HSD17B12: variants seen among roughly 807,000 people sequenced by gnomAD.
HSD17B12 encodes the protein very-long-chain 3-oxoacyl-CoA reductase.
HSD17B12 carries 32 observed loss-of-function variants against 39.3 expected under a neutral mutation model. The ratio of observed to expected loss-of-function variants is 0.81; its 90% CI spans 0.61 to 1.09. The LOEUF (loss-of-function observed/expected upper bound fraction) is 1.09. Among genes scored for constraint, HSD17B12 ranks in the 50% least tolerant of loss-of-function variants. The pLI, the probability that HSD17B12 is intolerant of heterozygous loss-of-function variation, is 0.00. For synonymous variants in HSD17B12, 150 were observed against 146.7 expected, an observed-to-expected ratio of 1.02 and a Z score of -0.16; for missense variants, 342 against 382.9, an observed-to-expected ratio of 0.89 and a Z score of 0.89.
intron 6 of HSD17B12, among the ~76,000 whole-genome samples, chr11:43,817,032 ATC>A (rs1380043546): frequency 0.031 from 725 of 23,574 alleles, 3 homozygotes; most frequent in African/African-American, 0.067. Flanking sequence ...CTATATCTAT[ATC>A]TATATCTATA....
chr11:43,774,862 T>G (rs113777652), intron 3 of HSD17B12, among the ~76,000 whole-genome samples: 5,731 of 152,222 alleles, frequency 0.038, 357 homozygotes, highest in African/African-American at 0.13. Context: ...GTGGGACCTG[T>G]GAGCATCATG....
chr11:43,754,103 C>A lies in HSD17B12; in HGVS notation c.265C>A (p.Gln89Lys). 6.2e-7 allele frequency: 1 copy of A among 1,610,342 alleles called. No individual in the cohort carries two copies. Among genetic ancestry groups the A allele is most frequent in the East Asian group, 2.2e-5 (1 of 44,762 alleles). The change falls in exon 3 of 11, where the codon CAG becomes AAG. Residue 89 changes from glutamine to lysine, a missense_variant. Physicochemically the swap from Gln to Lys is moderately conservative, Grantham distance 53. Transcript: ENST00000278353. The part of the protein sequence containing the change: ...LISRSKDKLD[Q>K]VSSEIKEKFK... ...CAGCAGATCAAAGGATAAACTTGAC[C>A]AGGTTTCCAGTGAAATAAGTAAGTT...
At chr11:43,596,229 A>C in the HSD17B12 span, among the ~76,000 whole-genome samples, 1 of 152,140 alleles carries the variant, frequency 6.6e-6, no homozygotes, top group African/African-American at 2.4e-5. Context: ...CTGAGGCAGC[A>C]TGAGAGGCAC....
the HSD17B12 span, among the ~76,000 whole-genome samples, chr11:43,629,449 G>T: frequency 6.6e-6 from 1 of 152,082 alleles, no homozygotes; most frequent in Non-Finnish European, 1.5e-5. Flanking sequence ...TGTATTTGTT[G>T]ATTTTTCCCT....
At chr11:43,644,658 CTT>C in the HSD17B12 span, 156 of 153,056 alleles carry the variant, frequency 1.0e-3, no homozygotes, top group Non-Finnish European at 1.7e-3. Context: ...GGACTGGGCT[CTT>C]TTTCTTGGGT....
intron 3 of HSD17B12, among the ~76,000 whole-genome samples, chr11:43,782,299 A>G (rs1950773504): frequency 6.6e-6 from 1 of 152,228 alleles, no homozygotes; most frequent in Non-Finnish European, 1.5e-5. Context: ...TCCACTATCC[A>G]GCTTGAAGGG....
chr11:43,715,848 TGTGTATCTAGTGGCTACCCTGTTGGACTG>T (rs1295316363), intron 1 of HSD17B12, among the ~76,000 whole-genome samples: 1 of 152,182 alleles, frequency 6.6e-6, no homozygotes, highest in African/African-American at 2.4e-5. Context: ...TTAATAGCAA[TGTGTATCTAGTGGCTACCCTGTTGGACTG>T]CACTGATTTT....
chr11:43,836,830 A>G (rs960722548), intron 7 of HSD17B12, among the ~76,000 whole-genome samples: 1 of 152,146 alleles, frequency 6.6e-6, no homozygotes, highest in African/African-American at 2.4e-5. Context: ...TCCTGATACA[A>G]ATTCTTACCT....
intron 4 of HSD17B12, among the ~76,000 whole-genome samples, chr11:43,813,607 T>C (rs1951093211): frequency 6.6e-6 from 1 of 152,200 alleles, no homozygotes; most frequent in African/African-American, 2.4e-5. Flanking sequence ...TTCTAAATTA[T>C]TCATCCTTTG....
At chr11:43,767,982 C>G (rs965085372) in intron 3 of HSD17B12, among the ~76,000 whole-genome samples, 1 of 152,214 alleles carries the variant, frequency 6.6e-6, no homozygotes, top group Non-Finnish European at 1.5e-5. Context: ...ATTTAAAAGG[C>G]ATCTCTGTTT....
chr11:43,583,493 A>T, the HSD17B12 span, among the ~76,000 whole-genome samples: 1 of 152,154 alleles, frequency 6.6e-6, no homozygotes, highest in East Asian at 1.9e-4. Flanking sequence ...GGGGTCTCTC[A>T]TTCCGGGTGG....
the HSD17B12 span, among the ~76,000 whole-genome samples, chr11:43,607,314 G>GTGTGTA: frequency 3.4e-4 from 48 of 142,148 alleles, no homozygotes; most frequent in African/African-American, 1.2e-3. Flanking sequence ...GTGTGTGTGT[G>GTGTGTA]TGTACCATGT....
chr11:43,680,781 C>T lies in HSD17B12; in HGVS notation c.-47C>T. 1 of 1,542,752 alleles carries T rather than the reference C, an allele frequency of 6.5e-7. No homozygotes were observed. The highest frequency in any genetic ancestry group is 9.0e-7 in the Non-Finnish European group (1 of 1,115,346). ...GCCGGCGCCTCCTCCTGGATTCATT[C>T]ACTCGCTCTTTTCATTCACGAAGGT... On this transcript the variant is annotated 5_prime_UTR_variant, in exon 1 of 11. Transcript: ENST00000278353.
At chr11:43,840,456 C>T (rs1299183806) in intron 9 of HSD17B12, among the ~76,000 whole-genome samples, 1 of 152,010 alleles carries the variant, frequency 6.6e-6, no homozygotes, top group African/African-American at 2.4e-5. Context: ...ATTCACATAT[C>T]GTGCAACCAT....
Position 43,754,939 on chromosome 11 carries a change from C to T in HSD17B12, c.283+818C>T, listed in dbSNP as rs1472925551. 4.4e-5 allele frequency: 33 copies of T among 749,838 alleles called. 1 individual carries two copies. In the South Asian group the frequency reaches 4.5e-4, roughly 10 times the overall value. 46.4% of individuals were successfully genotyped at this position (749,838 alleles called of 1,614,324 possible). On this transcript the variant is annotated intron_variant, in intron 3 of 10. Coordinates refer to ENST00000278353, the MANE Select transcript of HSD17B12 (RefSeq NM_016142.3). ...CTTAACTAACTTCTACTCAATCAACCAGATGGATAAACCAATGCTGTTCAT... is the reference window on the plus strand; with the variant it reads ...CTTAACTAACTTCTACTCAATCAACTAGATGGATAAACCAATGCTGTTCAT...
chr11:43,780,177 T>G (rs903142648), intron 3 of HSD17B12, among the ~76,000 whole-genome samples: 2 of 152,130 alleles, frequency 1.3e-5, no homozygotes, highest in African/African-American at 4.8e-5. Context: ...TATTCTTTTA[T>G]TTTTTGAGAC....
At chr11:43,655,112 G>T in the HSD17B12 span, among the ~76,000 whole-genome samples, 2 of 152,050 alleles carry the variant, frequency 1.3e-5, no homozygotes, top group Non-Finnish European at 2.9e-5. Context: ...CCTTGAAGAG[G>T]TCCTTCACAT....
the HSD17B12 span, among the ~76,000 whole-genome samples, chr11:43,570,632 C>T: frequency 6.6e-6 from 1 of 152,096 alleles, no homozygotes; most frequent in Non-Finnish European, 1.5e-5. Flanking sequence ...GGATCCTAGC[C>T]CAGACATAGA....
chr11:43,559,637 C>T, the HSD17B12 span: 1 of 155,990 alleles, frequency 6.4e-6, no homozygotes, highest in South Asian at 2.0e-4. Context: ...AAGATGCCAG[C>T]TGAGACGTTC....
Sources: allele counts gnomAD v4.1 joint callset (sites outside exome capture counted in the v4.1 genomes callset), GRCh38; gene constraint gnomAD v4.1.1; transcripts MANE v1.5; gene names NCBI Gene and HGNC (gene_info 2026-07-23, HGNC 2026-07-21).